Variants in ARMC8 observed in about 807,000 individuals in gnomAD.
ARMC8 encodes the protein armadillo repeat-containing protein 8.
In ARMC8, 20 loss-of-function variants were observed where a neutral mutation model predicts 99.3. The ratio of observed to expected loss-of-function variants is 0.20; its 90% CI spans 0.14 to 0.29. The LOEUF (loss-of-function observed/expected upper bound fraction) is 0.29. ARMC8 is among the 10% of genes least tolerant of loss of function. The probability of loss-of-function intolerance (pLI) is 1.00; values close to 1 mark genes in which losing one functional copy is unlikely to be tolerated. For synonymous variants in ARMC8, 263 were observed against 278.3 expected (o/e 0.95, Z 0.55); for missense variants, 569 against 809.5 (o/e 0.70, Z 3.60).
At chr3:138,223,068 A>G (rs1463567141) in intron 3 of ARMC8, among the ~76,000 whole-genome samples, 1 of 152,234 alleles carries the variant, frequency 6.6e-6, no homozygotes. Flanking sequence ...GAGAGTCTTC[A>G]TATTTTGGAG....
At chr3:138,291,408 C>T (rs531664923) in intron 21 of ARMC8, among the ~76,000 whole-genome samples, 19 of 152,326 alleles carry the variant, frequency 1.2e-4, no homozygotes, top group Admixed American at 9.1e-4. Context: ...ACTTTGCTAT[C>T]CCAGTCTCCT....
At chr3:138,279,889 T>C (rs1361043024) in intron 18 of ARMC8, among the ~76,000 whole-genome samples, 1 of 152,128 alleles carries the variant, frequency 6.6e-6, no homozygotes, top group Non-Finnish European at 1.5e-5. Flanking sequence ...CCCTCTCTTG[T>C]TCTTTATATT....
At chr3:138,241,727 A>G (rs1359295438) in intron 10 of ARMC8, 56 bp from the exon 11 acceptor site, 2 of 1,467,478 alleles carry the variant, frequency 1.4e-6, no homozygotes, top group African/African-American at 1.4e-5. Context: ...CAGTCACTAT[A>G]TGCTTAAGCT....
At chr3:138,266,319 A>G (rs533820947) in intron 14 of ARMC8, among the ~76,000 whole-genome samples, 18 of 152,186 alleles carry the variant, frequency 1.2e-4, no homozygotes, top group Admixed American at 5.2e-4. Flanking sequence ...GTGCCTTTCT[A>G]TGCTTGGAAC....
chr3:138,277,925 G>T (rs1360684175), intron 18 of ARMC8, among the ~76,000 whole-genome samples: 1 of 152,056 alleles, frequency 6.6e-6, no homozygotes, highest in African/African-American at 2.4e-5. Context: ...CAATAAAGAG[G>T]GACAAACTGT....
chr3:138,269,807 TTTTGTTTTCTTTC>T (rs2048609522), intron 15 of ARMC8, among the ~76,000 whole-genome samples: 1 of 144,052 alleles, frequency 6.9e-6, no homozygotes, highest in African/African-American at 2.6e-5. Context: ...AGTGGTTTGG[TTTTGTTTTCTTTC>T]TTTTTTTTTT....
intron 6 of ARMC8, 162 bp downstream of exon 6, chr3:138,229,172 A>ATGTATATGTATATGTATATG (rs1352181966): frequency 5.3e-5 from 2 of 37,532 alleles, no homozygotes; most frequent in Non-Finnish European, 1.1e-4. Flanking sequence ...ATATATATAT[A>ATGTATATGTATATGTATATG]TATATATATA....
intron 11 of ARMC8, among the ~76,000 whole-genome samples, chr3:138,243,166 G>T (rs2046708600): frequency 6.6e-6 from 1 of 152,164 alleles, no homozygotes; most frequent in Non-Finnish European, 1.5e-5. Context: ...TGAGAGTAAG[G>T]AAACAATTTT....
chr3:138,226,653 C>CA (rs1046545176), intron 5 of ARMC8, among the ~76,000 whole-genome samples: 6 of 152,202 alleles, frequency 3.9e-5, no homozygotes, highest in Non-Finnish European at 8.8e-5. Context: ...GAGAGTAAGC[C>CA]AGTCACCTGT....
intron 6 of ARMC8, among the ~76,000 whole-genome samples, chr3:138,232,275 C>G (rs1433366993): frequency 6.6e-6 from 1 of 151,974 alleles, no homozygotes; most frequent in Non-Finnish European, 1.5e-5. Flanking sequence ...TGCGTCTAGC[C>G]CCTTACAACT....
intron 1 of ARMC8, among the ~76,000 whole-genome samples, chr3:138,196,862 C>T (rs1040110261): frequency 1.3e-5 from 2 of 151,956 alleles, no homozygotes; most frequent in African/African-American, 4.8e-5. Flanking sequence ...AGTGAAACTC[C>T]GTCTCAAAAA....
At chr3:138,262,263 G>T in intron 12 of ARMC8, 1 of 353,698 alleles carries the variant, frequency 2.8e-6, no homozygotes. Context: ...GTGACAATGA[G>T]GACAGAGAGT....
intron 2 of ARMC8, among the ~76,000 whole-genome samples, chr3:138,210,823 T>C (rs1475021036): frequency 6.6e-6 from 1 of 152,090 alleles, no homozygotes; most frequent in Non-Finnish European, 1.5e-5. Flanking sequence ...CCCAAAGGCA[T>C]TGTAGGCTTT....
intron 12 of ARMC8, among the ~76,000 whole-genome samples, chr3:138,251,669 A>G (rs953754239): frequency 3.9e-5 from 6 of 152,232 alleles, no homozygotes; most frequent in African/African-American, 1.4e-4. Context: ...CACAGTATTG[A>G]GACCTTTGGC....
At chr3:138,201,320 C>T (rs1266280480) in intron 1 of ARMC8, among the ~76,000 whole-genome samples, 2 of 151,334 alleles carry the variant, frequency 1.3e-5, no homozygotes, top group Non-Finnish European at 2.9e-5. Flanking sequence ...GTGTTCTCAA[C>T]TGTATACTAT....
intron 1 of ARMC8, among the ~76,000 whole-genome samples, chr3:138,192,342 A>G (rs150255696): frequency 0.03 from 3,946 of 133,442 alleles, 165 homozygotes; most frequent in African/African-American, 0.11. Context: ...CAGTGGTGTG[A>G]TCTCAGCTCA....
chr3:138,289,240 A>G, intron 20 of ARMC8, 120 bp downstream of exon 20: 3 of 739,440 alleles, frequency 4.1e-6, no homozygotes, highest in Non-Finnish European at 6.8e-6. Context: ...ATCTGGCCCA[A>G]GCACCCTCTA....
At chr3:138,217,003 TTG>T (rs1559938252) in intron 2 of ARMC8, among the ~76,000 whole-genome samples, 1 of 152,200 alleles carries the variant, frequency 6.6e-6, no homozygotes, top group Non-Finnish European at 1.5e-5. Flanking sequence ...TTACCTACCA[TTG>T]TGTTACAGTT....
intron 21 of ARMC8, among the ~76,000 whole-genome samples, chr3:138,291,034 G>C (rs1247990061): frequency 6.6e-6 from 1 of 152,194 alleles, no homozygotes; most frequent in Non-Finnish European, 1.5e-5. Flanking sequence ...AGCTCCTGGG[G>C]ATACAAAAGC....
Sources: allele counts gnomAD v4.1 joint callset (sites outside exome capture counted in the v4.1 genomes callset), GRCh38; gene constraint gnomAD v4.1.1; transcripts MANE v1.5; gene names NCBI Gene and HGNC (gene_info 2026-07-23, HGNC 2026-07-21).